AP4S1: variants seen among roughly 807,000 people sequenced by gnomAD.
The protein encoded by AP4S1 is adaptor related protein complex 4 subunit sigma 1, also known as AP-4 complex subunit sigma-1.
AP4S1 carries 23 observed loss-of-function variants against 19.8 expected under a neutral mutation model. That is an observed-to-expected ratio of 1.16 (90% CI 0.84 to 1.65). The LOEUF (loss-of-function observed/expected upper bound fraction) is 1.65. Among genes scored for constraint, AP4S1 ranks in the 40% most tolerant of loss-of-function variants. The pLI, the probability that AP4S1 is intolerant of heterozygous loss-of-function variation, is 0.00. For synonymous variants in AP4S1, 46 were observed against 54.1 expected, an observed-to-expected ratio of 0.85 and a Z score of 0.66; for missense variants, 166 against 172.8, an observed-to-expected ratio of 0.96 and a Z score of 0.22.
intron 1 of AP4S1, among the ~76,000 whole-genome samples, chr14:31,062,927 A>G (rs12892643): frequency 0.23 from 34,507 of 151,522 alleles, 4,417 homozygotes; most frequent in African/African-American, 0.34. Context: ...AGATTACGCC[A>G]CTGCATTCCA....
At chr14:31,044,289 T>C (rs570657105) in intron 1 of AP4S1, among the ~76,000 whole-genome samples, 1 of 152,308 alleles carries the variant, frequency 6.6e-6, no homozygotes, top group East Asian at 1.9e-4. Context: ...AGACAGGGTT[T>C]CTACATAGTA....
chr14:31,065,980 C>T, intron 1 of AP4S1, 146 bp from the exon 2 acceptor site: 1 of 457,388 alleles, frequency 2.2e-6, no homozygotes, highest in Non-Finnish European at 3.9e-6. Context: ...TTATTAAAAC[C>T]TCAATTAGTT....
chr14:31,092,244 T>G (rs566493493), intron 5 of AP4S1, among the ~76,000 whole-genome samples: 13 of 152,296 alleles, frequency 8.5e-5, no homozygotes, highest in South Asian at 2.1e-4. Context: ...TTTACATCAG[T>G]CTGTCTGACA....
chr14:31,026,039 C>T, intron 1 of AP4S1: 1 of 1,536,800 alleles, frequency 6.5e-7, no homozygotes, highest in Non-Finnish European at 8.8e-7. Context: ...CCGCGGGACC[C>T]GCTCCCTCGG....
intron 1 of AP4S1, among the ~76,000 whole-genome samples, chr14:31,059,125 A>G (rs1886292140): frequency 6.6e-6 from 1 of 152,190 alleles, no homozygotes; most frequent in African/African-American, 2.4e-5. Flanking sequence ...ATTCTATAGT[A>G]AAAATAGTTT....
rs1888120005 is a variant in AP4S1, at chr14:31,093,099, A to G, written c.*64A>G. The G allele has an allele frequency of 1.3e-6, 2 of 1,490,976 alleles. No homozygotes were observed. Among genetic ancestry groups the G allele is most frequent in the African/African-American group, 2.8e-5 (2 of 70,748 alleles). 92.4% of individuals were successfully genotyped at this position (1,490,976 alleles called of 1,614,324 possible). On this transcript the variant is annotated 3_prime_UTR_variant, in exon 6 of 6. Coordinates refer to ENST00000542754, the MANE Select transcript of AP4S1 (RefSeq NM_001128126.3). ...TGCGAGTACCGTGGAATACATCTCA[A>G]CATGTTAACCCAGAAGAATCTGGAA...
chr14:31,026,148 C>T, intron 1 of AP4S1: 12 of 1,489,860 alleles, frequency 8.1e-6, no homozygotes, highest in Non-Finnish European at 9.8e-6. Context: ...GGCCGCCATC[C>T]CCGGGCCGCC....
chr14:31,041,799 C>T (rs1319914906), intron 1 of AP4S1, among the ~76,000 whole-genome samples: 1 of 152,108 alleles, frequency 6.6e-6, no homozygotes, highest in Non-Finnish European at 1.5e-5. Context: ...TAACCTATAC[C>T]CACAGTTTGT....
chr14:31,067,757 G>A (rs1315450057), intron 2 of AP4S1, among the ~76,000 whole-genome samples: 1 of 151,896 alleles, frequency 6.6e-6, no homozygotes, highest in African/African-American at 2.4e-5. Flanking sequence ...GACCTCAAGT[G>A]ATCTGCCTGC....
intron 1 of AP4S1, among the ~76,000 whole-genome samples, chr14:31,042,382 A>C (rs1260266233): frequency 6.6e-6 from 1 of 152,108 alleles, no homozygotes; most frequent in East Asian, 1.9e-4. Context: ...ACAAACATGC[A>C]CACATGGGTA....
intron 4 of AP4S1, among the ~76,000 whole-genome samples, chr14:31,077,113 A>G (rs1887401842): frequency 1.3e-5 from 2 of 152,104 alleles, no homozygotes; most frequent in Admixed American, 1.3e-4. Flanking sequence ...TATTATTAGT[A>G]GAGACAGGGT....
chr14:31,064,587 G>T (rs1367377381), intron 1 of AP4S1, among the ~76,000 whole-genome samples: 1 of 152,094 alleles, frequency 6.6e-6, no homozygotes, highest in Non-Finnish European at 1.5e-5. Context: ...CTCCCAAAAT[G>T]CTGGGATTAC....
chr14:31,073,215 G>A (rs959850531), intron 4 of AP4S1: 4 of 429,920 alleles, frequency 9.3e-6, no homozygotes, highest in Non-Finnish European at 1.7e-5. Flanking sequence ...TTATAGCAGG[G>A]CGCGATGGCT....
At chr14:31,036,743 T>G (rs1365639210) in intron 1 of AP4S1, among the ~76,000 whole-genome samples, 1 of 152,210 alleles carries the variant, frequency 6.6e-6, no homozygotes, top group Non-Finnish European at 1.5e-5. Flanking sequence ...TCACTTCTAG[T>G]GGGGCTCCTT....
At chr14:31,082,926 A>G (rs945760334) in intron 5 of AP4S1, among the ~76,000 whole-genome samples, 1 of 151,976 alleles carries the variant, frequency 6.6e-6, no homozygotes, top group African/African-American at 2.4e-5. Flanking sequence ...GAAGAGCTTT[A>G]ACACCTGATC....
chr14:31,083,074 T>C (rs151224752), intron 5 of AP4S1, among the ~76,000 whole-genome samples: 27 of 152,284 alleles, frequency 1.8e-4, no homozygotes, highest in African/African-American at 6.3e-4. Flanking sequence ...TGTATTATAG[T>C]TGGATGAGTT....
chr14:31,079,140 CAG>C (rs1234370717), intron 4 of AP4S1, among the ~76,000 whole-genome samples: 10 of 152,172 alleles, frequency 6.6e-5, no homozygotes, highest in African/African-American at 1.9e-4. Context: ...GAAGTGGTAT[CAG>C]GGGATTTTCA....
At chr14:31,061,940 G>A (rs567240155) in intron 1 of AP4S1, among the ~76,000 whole-genome samples, 1 of 151,978 alleles carries the variant, frequency 6.6e-6, no homozygotes, top group Non-Finnish European at 1.5e-5. Flanking sequence ...CACCACACCT[G>A]GCTGTAAAAT....
chr14:31,054,983 A>G (rs971355786), intron 1 of AP4S1, among the ~76,000 whole-genome samples: 1 of 151,198 alleles, frequency 6.6e-6, no homozygotes, highest in Non-Finnish European at 1.5e-5. Context: ...TCCCAAAAAG[A>G]CATAACCTCT....
Sources: allele counts gnomAD v4.1 joint callset (sites outside exome capture counted in the v4.1 genomes callset), GRCh38; gene constraint gnomAD v4.1.1; transcripts MANE v1.5; gene names NCBI Gene and HGNC (gene_info 2026-07-23, HGNC 2026-07-21).